Variants in CPQ observed in about 807,000 individuals in gnomAD.
CPQ encodes carboxypeptidase Q.
CPQ carries 37 observed loss-of-function variants against 45.7 expected under a neutral mutation model. The ratio of observed to expected loss-of-function variants is 0.81; its 90% confidence interval spans 0.62 to 1.07. The LOEUF is 1.07. CPQ is among the 50% of genes least tolerant of loss of function. The pLI is 0.00. For missense variants in CPQ, 537 were observed against 572.9 expected, an observed-to-expected ratio of 0.94 and a Z score of 0.64; for synonymous variants, 186 against 205.8, an observed-to-expected ratio of 0.90 and a Z score of 0.82.
At chr8:96,673,202 G>T (rs1333528855) in intron 1 of CPQ, among the ~76,000 whole-genome samples, 1 of 152,144 alleles carries the variant, frequency 6.6e-6, no homozygotes, top group Admixed American at 6.5e-5. Flanking sequence ...TGCAGCAACG[G>T]AAGTACAGAT....
intron 4 of CPQ, among the ~76,000 whole-genome samples, chr8:96,928,583 CA>C (rs1250698399): frequency 6.6e-6 from 1 of 152,012 alleles, no homozygotes; most frequent in Non-Finnish European, 1.5e-5. Context: ...GCTAAGCAGG[CA>C]AACACAGTTA....
intron 4 of CPQ, among the ~76,000 whole-genome samples, chr8:96,926,837 C>T (rs1291778633): frequency 6.6e-6 from 1 of 151,992 alleles, no homozygotes; most frequent in Non-Finnish European, 1.5e-5. Context: ...AGCCCCCAAG[C>T]CCCGGAGAGG....
At chr8:96,834,886 A>G in intron 2 of CPQ, 87 bp from the exon 3 acceptor site, 3 of 1,132,386 alleles carry the variant, frequency 2.6e-6, no homozygotes, top group Non-Finnish European at 1.3e-6. Flanking sequence ...GATGTAGCAG[A>G]AAGAGCATGT....
chr8:97,010,429 G>A (rs1002074687), intron 5 of CPQ, among the ~76,000 whole-genome samples: 2 of 152,084 alleles, frequency 1.3e-5, no homozygotes, highest in Non-Finnish European at 2.9e-5. Context: ...TCTGTAACTT[G>A]GGGATCCAGA....
At chr8:96,826,913 G>T (rs1586416381) in intron 2 of CPQ, among the ~76,000 whole-genome samples, 1 of 151,980 alleles carries the variant, frequency 6.6e-6, no homozygotes, top group Non-Finnish European at 1.5e-5. Context: ...GTTTGCTGAG[G>T]ATAATGGCTT....
At chr8:96,955,980 TA>T (rs936691309) in intron 4 of CPQ, among the ~76,000 whole-genome samples, 1 of 152,114 alleles carries the variant, frequency 6.6e-6, no homozygotes, top group Non-Finnish European at 1.5e-5. Flanking sequence ...ACTTCATGTC[TA>T]AAACACCAAA....
At chr8:97,061,020 T>C (rs1215449627) in intron 6 of CPQ, among the ~76,000 whole-genome samples, 6 of 152,156 alleles carry the variant, frequency 3.9e-5, no homozygotes, top group East Asian at 1.9e-4. Context: ...TTTGTTTTCT[T>C]AGTTCTTTAT....
chr8:97,142,920 A>G, intron 7 of CPQ, 100 bp from the exon 8 acceptor site: 5 of 1,083,746 alleles, frequency 4.6e-6, no homozygotes, highest in Non-Finnish European at 5.4e-6. Context: ...GCTATTGCAG[A>G]CTGTATAATA....
chr8:97,058,405 A>G (rs565157619), intron 6 of CPQ, among the ~76,000 whole-genome samples: 1 of 152,290 alleles, frequency 6.6e-6, no homozygotes, highest in African/African-American at 2.4e-5. Flanking sequence ...ACCAGAAAGC[A>G]CTATCTTGGC....
At chr8:96,650,428 G>T (rs1815564704) in intron 1 of CPQ, among the ~76,000 whole-genome samples, 1 of 152,166 alleles carries the variant, frequency 6.6e-6, no homozygotes, top group Admixed American at 6.5e-5. Context: ...TTTTATATTT[G>T]ATTGTTACAA....
At position 96,704,868 on chromosome 8, in the gene CPQ, C is replaced by T. The variant is rs369545505; in HGVS notation, c.-35+59466C>T. Among the ~76,000 whole-genome samples, 16 of 152,162 alleles carry T rather than the reference C, an allele frequency of 1.1e-4. 1 individual carries two copies. The East Asian group carries it at 1.5e-3, about 15-fold the overall frequency. ...TGATTCAAAGTACCTGTGAAACATC[C>T]ATTTGGAGGTATTAAGTAGACAATT... On this transcript the variant is annotated intron_variant, in intron 1 of 7. Transcript: ENST00000220763.
rs71267281 is a variant in CPQ at position 96,787,525 on chromosome 8, CTTTTTTTTTTTTT to C, written c.433+2213_433+2225del. Among the ~76,000 whole-genome samples the C allele has an allele frequency of 2.5e-3, 121 of 47,594 alleles. 3 individuals carry two copies. The highest frequency in any genetic ancestry group is 4.8e-3 in the African/African-American group (60 of 12,406). 31.2% of individuals were successfully genotyped at this position (47,594 alleles called of 152,430 possible). A position where few individuals can be genotyped will look rare whatever the true frequency, so the allele number is the denominator to read the frequency against. On this transcript the variant is annotated intron_variant, in intron 2 of 7. Transcript: ENST00000220763. ...TTGTAGTTTCATTTTCTTATAATGT[CTTTTTTTTTTTTT>C]TTTTTTTTTTTTTTTTTGTATCAGA...
chr8:96,838,710 G>A (rs1811565187), intron 3 of CPQ, among the ~76,000 whole-genome samples: 1 of 151,856 alleles, frequency 6.6e-6, no homozygotes, highest in Non-Finnish European at 1.5e-5. Context: ...TTTGAAACAT[G>A]GTAATAACTT....
At chr8:96,680,801 C>A (rs1361337612) in intron 1 of CPQ, among the ~76,000 whole-genome samples, 1 of 152,040 alleles carries the variant, frequency 6.6e-6, no homozygotes, top group African/African-American at 2.4e-5. Context: ...TAGCCTTGAC[C>A]AAAATGCTGA....
At chr8:96,910,306 G>A (rs1487652059) in intron 4 of CPQ, among the ~76,000 whole-genome samples, 1 of 152,082 alleles carries the variant, frequency 6.6e-6, no homozygotes, top group African/African-American at 2.4e-5. Flanking sequence ...TCTATTTCAA[G>A]GCTTTTGCTT....
intron 2 of CPQ, among the ~76,000 whole-genome samples, chr8:96,796,485 T>A (rs1307097174): frequency 1.3e-5 from 2 of 152,162 alleles, no homozygotes; most frequent in African/African-American, 2.4e-5. Flanking sequence ...TCACCTTCTT[T>A]TTCATTTTTT....
chr8:96,993,763 A>G (rs916516915), intron 5 of CPQ, among the ~76,000 whole-genome samples: 6 of 152,170 alleles, frequency 3.9e-5, no homozygotes, highest in Non-Finnish European at 8.8e-5. Context: ...TGCTTCATCA[A>G]GTTAATACAT....
At chr8:96,938,941 C>T (rs1813088566) in intron 4 of CPQ, among the ~76,000 whole-genome samples, 2 of 152,142 alleles carry the variant, frequency 1.3e-5, no homozygotes, top group South Asian at 2.1e-4. Context: ...TTTGTTAACA[C>T]AATTTGTCTT....
chr8:96,993,752 G>C (rs1442379436), intron 5 of CPQ, among the ~76,000 whole-genome samples: 1 of 152,140 alleles, frequency 6.6e-6, no homozygotes, highest in East Asian at 1.9e-4. Flanking sequence ...AAAATGATTA[G>C]TGCTTCATCA....
Sources: allele counts gnomAD v4.1 joint callset (sites outside exome capture counted in the v4.1 genomes callset), GRCh38; gene constraint gnomAD v4.1.1; transcripts MANE v1.5; gene names NCBI Gene and HGNC (gene_info 2026-07-23, HGNC 2026-07-21).